FAT3: variants seen among roughly 807,000 people sequenced by gnomAD.
FAT3 encodes protocadherin Fat 3.
Under a neutral mutation model 310.2 loss-of-function variants are expected in FAT3, and 95 were observed. The ratio of observed to expected loss-of-function variants is 0.31; its 90% CI spans 0.26 to 0.36. The LOEUF (loss-of-function observed/expected upper bound fraction) is 0.36, where lower values mean the gene tolerates loss of function less well. Among genes scored for constraint, FAT3 ranks in the 10% least tolerant of loss-of-function variants. The pLI, the probability that FAT3 is intolerant of heterozygous loss-of-function variation, is 1.00. For synonymous variants in FAT3, 2,314 were observed against 2,192.9 expected (o/e 1.06, Z -1.54); for missense variants, 5,408 against 5,715.6 (o/e 0.95, Z 1.74).
At chr11:92,419,512 C>A (rs1292951652) in intron 2 of FAT3, among the ~76,000 whole-genome samples, 2 of 152,096 alleles carry the variant, frequency 1.3e-5, no homozygotes, top group Non-Finnish European at 2.9e-5. Context: ...TGAAGATTCC[C>A]ATGAAGACTA....
chr11:92,810,741 A>C (rs1355904955), intron 13 of FAT3, among the ~76,000 whole-genome samples: 1 of 152,150 alleles, frequency 6.6e-6, no homozygotes, highest in Non-Finnish European at 1.5e-5. Context: ...GAGTTAGAAA[A>C]GACTGGAGTT....
chr11:92,801,323 C>A lies in FAT3; in HGVS notation c.8310C>A (p.Arg2770=). The change falls in exon 10 of 28, where the codon CGC becomes CGA. Residue 2770 remains arginine (R), a synonymous_variant. Coordinates refer to ENST00000525166, the MANE Select transcript of FAT3 (RefSeq NM_001367949.2). ...CAGGCACTATTAAGCTTGACAAACG[C>A]CTTGACCGTGAAACCAGCCCAGCTT... ...QETGTIKLDK[R]LDRETSPAFH... is the part of the protein sequence containing the mutation. The A allele has an allele frequency of 6.2e-7, 1 of 1,613,964 alleles. No individual in the cohort carries two copies. The highest frequency in any genetic ancestry group is 8.5e-7 in the Non-Finnish European group (1 of 1,179,882).
At chr11:92,304,678 G>A (rs938020091) in intron 1 of FAT3, among the ~76,000 whole-genome samples, 1 of 152,124 alleles carries the variant, frequency 6.6e-6, no homozygotes, top group African/African-American at 2.4e-5. Flanking sequence ...ATGTGTGAAA[G>A]TTAAGAGGAC....
intron 1 of FAT3, among the ~76,000 whole-genome samples, chr11:92,302,747 T>C (rs1044523531): frequency 6.6e-6 from 1 of 152,188 alleles, no homozygotes; most frequent in Non-Finnish European, 1.5e-5. Context: ...TTTTTATTAA[T>C]CATTTAACAA....
At position 92,832,835 on chromosome 11, in the gene FAT3, C is replaced by A. The variant is rs200097494; in HGVS notation, c.9871+824C>A. 1.3e-4 allele frequency among the ~76,000 whole-genome samples: 20 copies of A among 152,266 alleles called. No individual in the cohort carries two copies. In the East Asian group the frequency reaches 3.1e-3, roughly 24 times the overall value. On this transcript the variant is annotated intron_variant, in intron 14 of 27. Transcript: ENST00000525166. ...GCACAGGCAGACACTGATAAGTGAT[C>A]TGCATGGTGATATGCAGCCTTCTCA...
At chr11:92,350,636 G>C (rs555409288) in intron 1 of FAT3, among the ~76,000 whole-genome samples, 1 of 152,180 alleles carries the variant, frequency 6.6e-6, no homozygotes, top group East Asian at 1.9e-4. Context: ...ACTACTTGCC[G>C]GCTGGGGAAC....
At chr11:92,647,669 A>C (rs2135746747) in intron 3 of FAT3, among the ~76,000 whole-genome samples, 1 of 152,320 alleles carries the variant, frequency 6.6e-6, no homozygotes, top group Middle Eastern at 3.4e-3. Context: ...AAGTCCAGTA[A>C]GATACATTTC....
intron 4 of FAT3, among the ~76,000 whole-genome samples, chr11:92,732,706 G>A (rs970340104): frequency 6.6e-6 from 1 of 152,146 alleles, no homozygotes; most frequent in Non-Finnish European, 1.5e-5. Flanking sequence ...ACCTCACAGA[G>A]ATTTTACTAG....
intron 2 of FAT3, among the ~76,000 whole-genome samples, chr11:92,416,955 T>A (rs1430701377): frequency 6.6e-6 from 1 of 152,166 alleles, no homozygotes; most frequent in Admixed American, 6.5e-5. Context: ...CTAGGGCATT[T>A]CGCCAGGGCA....
intron 2 of FAT3, among the ~76,000 whole-genome samples, chr11:92,479,309 A>G (rs906393012): frequency 6.6e-6 from 1 of 151,858 alleles, no homozygotes; most frequent in Non-Finnish European, 1.5e-5. Flanking sequence ...CTGCACCCAG[A>G]CTTAAACATT....
intron 2 of FAT3, among the ~76,000 whole-genome samples, chr11:92,482,560 C>G (rs983593090): frequency 6.6e-6 from 1 of 152,202 alleles, no homozygotes; most frequent in Non-Finnish European, 1.5e-5. Flanking sequence ...ACTTTCCAGC[C>G]TATCACTGTC....
chr11:92,716,448 C>T (rs1450392130), intron 4 of FAT3, among the ~76,000 whole-genome samples: 1 of 151,294 alleles, frequency 6.6e-6, no homozygotes, highest in Non-Finnish European at 1.5e-5. Flanking sequence ...CTTTGAGTTT[C>T]CAGTGCAGAA....
intron 2 of FAT3, among the ~76,000 whole-genome samples, chr11:92,395,963 C>G (rs1031936118): frequency 2.0e-5 from 3 of 152,076 alleles, no homozygotes; most frequent in African/African-American, 7.2e-5. Flanking sequence ...ACTTGTACAG[C>G]AGTATAAATT....
Position 92,352,452 on chromosome 11 carries a change from T to A in FAT3, c.340T>A (p.Ser114Thr). 6.2e-7 allele frequency: 1 copy of A among 1,612,556 alleles called. No homozygotes were observed. The highest frequency in any genetic ancestry group is 8.5e-7 in the Non-Finnish European group (1 of 1,179,546). ...CAGAATAAGAACTAAAGGTGGCAAT[T>A]CTGCCATATTAAATAGGGAAATCCA... is the stretch of plus-strand genomic sequence containing the variant. Reference protein sequence around the residue: ...FLRIRTKGGNSAILNREIQDN... With the variant: ...FLRIRTKGGNTAILNREIQDN... The change falls in exon 2 of 28, where the codon TCT becomes ACT. Residue 114 changes from serine (S) to threonine (T), a missense_variant. Physicochemically the swap from Ser to Thr is moderately conservative, Grantham distance 58. Transcript: ENST00000525166.
intron 19 of FAT3, among the ~76,000 whole-genome samples, chr11:92,855,757 C>T (rs1344988481): frequency 2.6e-5 from 4 of 152,136 alleles, no homozygotes; most frequent in Non-Finnish European, 4.4e-5. Context: ...CAGTTAAAAA[C>T]GCCTTCATCT....
intron 3 of FAT3, among the ~76,000 whole-genome samples, chr11:92,572,892 A>G (rs1205081399): frequency 6.6e-6 from 1 of 152,196 alleles, no homozygotes; most frequent in Non-Finnish European, 1.5e-5. Flanking sequence ...CCATAAGAAG[A>G]TGGTGCCTAG....
Position 92,844,681 on chromosome 11 carries a change from A to G in FAT3, c.11314A>G (p.Ile3772Val). The change falls in exon 19 of 28, where the codon ATC (isoleucine) becomes GTC (valine). Residue 3772 changes from isoleucine to valine, a missense_variant. Around this residue, in one of 5 missense-constraint regions of FAT3, gnomAD observed 4,588 missense variants for 4,809.8 expected, o/e 0.95. Coordinates refer to ENST00000525166, the MANE Select transcript of FAT3 (RefSeq NM_001367949.2). The part of the protein sequence containing the change: ...HALMTYSTAR[I>V]SFVCPRFYRN... Reference sequence around the variant, plus strand: ...GCTCATGACCTACAGCACGGCTCGCATCAGCTTTGTGTGTCCGCGTTTCTA... The same window carrying G: ...GCTCATGACCTACAGCACGGCTCGCGTCAGCTTTGTGTGTCCGCGTTTCTA... The G allele has an allele frequency of 6.3e-7, 1 of 1,591,972 alleles. No homozygotes were observed. The highest frequency in any genetic ancestry group is 1.1e-5 in the South Asian group (1 of 87,916).
chr11:92,258,628 T>A (rs1490201050), intron 1 of FAT3, among the ~76,000 whole-genome samples: 1 of 150,784 alleles, frequency 6.6e-6, no homozygotes, highest in African/African-American at 2.4e-5. Context: ...GATTCCTGGA[T>A]GTTAGGAAGA....
chr11:92,687,360 G>A (rs572885940), intron 3 of FAT3, among the ~76,000 whole-genome samples: 12 of 152,294 alleles, frequency 7.9e-5, no homozygotes, highest in East Asian at 3.9e-4. Flanking sequence ...CAAGTTTACC[G>A]TTTTTGTTAA....
Sources: gnomAD v4.1 joint callset for allele counts (sites outside exome capture counted in the v4.1 genomes callset) on GRCh38, gnomAD v4.1.1 for gene constraint, gnomAD v4.1.1 regional missense constraint, MANE v1.5 for transcripts, NCBI Gene and HGNC (gene_info 2026-07-23, HGNC 2026-07-21) for gene names.